The following PKD2L1 variants were observed in gnomAD, a reference collection of about 807,000 sequenced individuals.
The protein encoded by PKD2L1 is polycystin-2-like protein 1.
In PKD2L1, 77 loss-of-function variants were observed where a neutral mutation model predicts 93.0. The observed-to-expected ratio is 0.83, with a 90% CI of 0.69 to 1.00. The LOEUF (loss-of-function observed/expected upper bound fraction) is 1.00, where lower values mean the gene tolerates loss of function less well. Ranked by LOEUF, PKD2L1 falls within the 50% of genes least tolerant of loss-of-function variation. The probability of loss-of-function intolerance (pLI) is 0.00; values close to 1 mark genes in which losing one functional copy is unlikely to be tolerated. For synonymous variants in PKD2L1, 390 were observed against 388.0 expected (o/e 1.01, Z -0.06); for missense variants, 977 against 990.9 (o/e 0.99, Z 0.19).
chr10:100,291,826 G>A (rs963095025), intron 11 of PKD2L1, among the ~76,000 whole-genome samples: 5 of 151,970 alleles, frequency 3.3e-5, no homozygotes, highest in African/African-American at 1.2e-4. Context: ...TATTCTTTTG[G>A]CAGAGTGGTA....
At chr10:100,297,984 T>G (rs1848589396) in intron 4 of PKD2L1, among the ~76,000 whole-genome samples, 1 of 152,088 alleles carries the variant, frequency 6.6e-6, no homozygotes, top group Non-Finnish European at 1.5e-5. Context: ...TTGGCCCACC[T>G]TGAATAGTCC....
chr10:100,296,054 A>T (rs914849102), intron 7 of PKD2L1, 68 bp downstream of exon 7: 14 of 1,428,994 alleles, frequency 9.8e-6, no homozygotes, highest in Middle Eastern at 1.8e-4. Flanking sequence ...AAAAAGAAAA[A>T]AAAGAAAAGA....
At chr10:100,296,854 A>G (rs1848550689) in intron 6 of PKD2L1, 126 bp downstream of exon 6, 2 of 638,702 alleles carry the variant, frequency 3.1e-6, no homozygotes, top group Non-Finnish European at 5.5e-6. Context: ...GAGCTGTTAA[A>G]TGATGATTTG....
At chr10:100,290,301 G>A in intron 13 of PKD2L1, 100 bp downstream of exon 13, 7 of 1,252,210 alleles carry the variant, frequency 5.6e-6, no homozygotes, top group Non-Finnish European at 8.0e-6. Context: ...TTCTCCCTGG[G>A]GTAGGACAGA....
At chr10:100,299,839 T>C in intron 2 of PKD2L1, 121 bp from the exon 3 acceptor site, 3 of 822,336 alleles carry the variant, frequency 3.6e-6, no homozygotes, top group Non-Finnish European at 6.0e-6. Context: ...TCTGGACCCA[T>C]CCTCTAGACT....
chr10:100,313,788 C>T (rs1848986877), intron 2 of PKD2L1, among the ~76,000 whole-genome samples: 1 of 152,116 alleles, frequency 6.6e-6, no homozygotes, highest in Non-Finnish European at 1.5e-5. Context: ...AATAATTCAT[C>T]ATTGTTTCAT....
chr10:100,297,744 G>A (rs1018129081), intron 4 of PKD2L1, 138 bp from the exon 5 acceptor site: 2 of 534,368 alleles, frequency 3.7e-6, no homozygotes, highest in Admixed American at 6.8e-5. Context: ...GTGTGTGTGT[G>A]TATGAGATAT....
chr10:100,298,526 C>G, intron 4 of PKD2L1, 36 bp downstream of exon 4: 1 of 1,606,206 alleles, frequency 6.2e-7, no homozygotes, highest in Non-Finnish European at 8.5e-7. Context: ...TTTAGAGGGG[C>G]AAGCCCTGTG....
At chr10:100,291,467 G>T (rs759701861) in intron 11 of PKD2L1, 40 bp from the exon 12 acceptor site, 1 of 1,608,764 alleles carries the variant, frequency 6.2e-7, no homozygotes, top group South Asian at 1.1e-5. Flanking sequence ...CCCAGCTGTG[G>T]CTGTGACCTC....
chr10:100,295,010 G>C lies in PKD2L1; in HGVS notation c.1470C>G (p.Ala490=), dbSNP rs1200458722. The C allele has an allele frequency of 6.2e-7, 1 of 1,614,172 alleles. No individual in the cohort carries two copies. The highest frequency in any genetic ancestry group is 1.3e-5 in the African/African-American group (1 of 75,050). Residue 490 remains alanine, a synonymous_variant, in exon 8 of 16, where the codon GCC becomes GCG. Coordinates refer to ENST00000318222, the MANE Select transcript of PKD2L1 (RefSeq NM_016112.3). ...FAVMFFIVFF[A]YAQLGYLLFG... ...AAAGCAGGTAGCCGAGTTGGGCATA[G>C]GCGAAGAAAACAATGAAGAACATGA...
Position 100,294,593 on chromosome 10 carries a change from C to T in PKD2L1, c.1601G>A (p.Arg534His), listed in dbSNP as rs777924223. The T allele has an allele frequency of 1.2e-5, 20 of 1,613,634 alleles. No homozygotes were observed. Among genetic ancestry groups the T allele is most frequent in the South Asian group, 5.5e-5 (5 of 91,072 alleles). Residue 534 changes from arginine to histidine, a missense_variant, in exon 9 of 16, where the codon CGC becomes CAC. Coordinates refer to ENST00000318222, the MANE Select transcript of PKD2L1 (RefSeq NM_016112.3). ...GACAAAGTAGGCAGGGCCCAGGATG[C>T]GGTTGGCATTGTCGATAGCATTGTA... The part of the protein sequence containing the change: ...FDYNAIDNAN[R>H]ILGPAYFVTY...
At chr10:100,319,858 AC>A (rs1849188962) in intron 2 of PKD2L1, among the ~76,000 whole-genome samples, 1 of 152,244 alleles carries the variant, frequency 6.6e-6, no homozygotes, top group African/African-American at 2.4e-5. Flanking sequence ...CTTTGAGATA[AC>A]AATAATGTCT....
chr10:100,298,651 T>C lies in PKD2L1; in HGVS notation c.642A>G (p.Glu214=). The part of the protein sequence containing the change: ...KVRNDSCVVH[E]DFREDILSCY... ...AGCTCAGAATGTCCTCCCGGAAGTC[T>C]TCATGCACCACACAGGAGTCATTGC... The change falls in exon 4 of 16, where the codon GAA becomes GAG. Residue 214 remains glutamate (E), a synonymous_variant. Transcript: ENST00000318222. The C allele has an allele frequency of 6.2e-7, 1 of 1,614,136 alleles. No individual in the cohort carries two copies. The highest frequency in any genetic ancestry group is 1.1e-5 in the South Asian group (1 of 91,088).
chr10:100,306,812 C>T (rs1047512379), intron 2 of PKD2L1, among the ~76,000 whole-genome samples: 23 of 139,768 alleles, frequency 1.6e-4, no homozygotes, highest in Admixed American at 1.0e-3. Flanking sequence ...GAGTCATGAT[C>T]GTGCCACTGC....
intron 2 of PKD2L1, among the ~76,000 whole-genome samples, chr10:100,325,611 T>C (rs1348708507): frequency 1.3e-5 from 2 of 152,170 alleles, no homozygotes; most frequent in Non-Finnish European, 2.9e-5. Context: ...AAATGGCACA[T>C]TTTCAGGTAG....
At chr10:100,312,831 T>C (rs772686393) in intron 2 of PKD2L1, among the ~76,000 whole-genome samples, 1 of 151,862 alleles carries the variant, frequency 6.6e-6, no homozygotes, top group South Asian at 2.1e-4. Flanking sequence ...CTGAGGAAGA[T>C]GAAGAGTCTT....
chr10:100,297,078 T>G lies in PKD2L1; in HGVS notation c.1087A>C (p.Ile363Leu), dbSNP rs1848558199. ...VGCEVIFCVF[I>L]FYYVVEEILE... ...ATCTCTTCCACCACATAGTAGAAGA[T>G]GAAGACGCAGAAGATGACCTCACAG... Residue 363 changes from isoleucine to leucine, a missense_variant, in exon 6 of 16, where the codon ATC (isoleucine) becomes CTC (leucine). By Grantham distance (5) the Ile-to-Leu change is conservative. Transcript: ENST00000318222. The G allele has an allele frequency of 6.2e-7, 1 of 1,613,906 alleles. No homozygotes were observed. Among genetic ancestry groups the G allele is most frequent in the African/African-American group, 1.3e-5 (1 of 74,866 alleles).
intron 2 of PKD2L1, among the ~76,000 whole-genome samples, chr10:100,307,036 C>G (rs1253069649): frequency 6.6e-6 from 1 of 152,002 alleles, no homozygotes; most frequent in African/African-American, 2.4e-5. Context: ...ACTGGAACGC[C>G]TGGTTCAAAG....
At chr10:100,300,679 T>TCATTACTA (rs1848654995) in intron 2 of PKD2L1, among the ~76,000 whole-genome samples, 1 of 152,246 alleles carries the variant, frequency 6.6e-6, no homozygotes, top group Non-Finnish European at 1.5e-5. Context: ...ACACATTGCC[T>TCATTACTA]GTTCATCTCA....
Sources: allele counts gnomAD v4.1 joint callset (sites outside exome capture counted in the v4.1 genomes callset), GRCh38; gene constraint gnomAD v4.1.1; transcripts MANE v1.5; gene names NCBI Gene and HGNC (gene_info 2026-07-23, HGNC 2026-07-21).